PKNOX2: variants seen among roughly 807,000 people sequenced by gnomAD.
PKNOX2 encodes the protein homeobox protein PKNOX2.
A neutral mutation model predicts 53.1 loss-of-function variants in PKNOX2; 14 were observed. The observed-to-expected ratio is 0.26, with a 90% CI of 0.17 to 0.41. The LOEUF is 0.41. Ranked by LOEUF, PKNOX2 falls within the 10% of genes least tolerant of loss-of-function variation. PKNOX2 has a pLI of 1.00. For missense variants in PKNOX2, 496 were observed against 602.8 expected, an observed-to-expected ratio of 0.82 and a Z score of 1.85; for synonymous variants, 257 against 242.8, an observed-to-expected ratio of 1.06 and a Z score of -0.54.
intron 2 of PKNOX2, among the ~76,000 whole-genome samples, chr11:125,293,039 A>T (rs1392064402): frequency 6.6e-6 from 1 of 152,210 alleles, no homozygotes; most frequent in African/African-American, 2.4e-5. Flanking sequence ...ACAGCGTGGT[A>T]GAGTGTGCTG....
intron 2 of PKNOX2, among the ~76,000 whole-genome samples, chr11:125,253,564 G>C (rs138361729): frequency 4.9e-4 from 75 of 152,226 alleles, no homozygotes; most frequent in African/African-American, 1.7e-3. Flanking sequence ...CTTCCTCCCT[G>C]GTTCCCAGAC....
chr11:125,181,871 C>T (rs1449474343), intron 1 of PKNOX2, among the ~76,000 whole-genome samples: 1 of 152,148 alleles, frequency 6.6e-6, no homozygotes, highest in African/African-American at 2.4e-5. Flanking sequence ...TTTAAGGAAT[C>T]TGGCCCATTT....
At position 125,431,329 on chromosome 11, in the gene PKNOX2, C is replaced by G; in HGVS notation, c.1356C>G (p.Val452=). 1.2e-6 allele frequency: 2 copies of G among 1,613,538 alleles called. No homozygotes were observed. The highest frequency in any genetic ancestry group is 1.7e-6 in the Non-Finnish European group (2 of 1,179,902). The change falls in exon 13 of 13, where the codon GTC becomes GTG. Residue 452 remains valine, a synonymous_variant. Transcript: ENST00000298282. ...AGGAGGAGGAGCTGGAGGAGGAGGT[C>G]GACGAGCTGCAGACGACAAATGTCA... is the stretch of plus-strand genomic sequence containing the variant. ...EEEEEELEEE[V]DELQTTNVSD... is the part of the protein sequence containing the mutation.
At chr11:125,400,425 C>T (rs992431962) in intron 7 of PKNOX2, among the ~76,000 whole-genome samples, 6 of 152,204 alleles carry the variant, frequency 3.9e-5, no homozygotes, top group African/African-American at 1.4e-4. Context: ...ATCTTTCTAA[C>T]TTTGTTCATG....
At chr11:125,170,236 G>C (rs142446738) in intron 1 of PKNOX2, among the ~76,000 whole-genome samples, 2 of 152,322 alleles carry the variant, frequency 1.3e-5, no homozygotes, top group East Asian at 1.9e-4. Flanking sequence ...GACTCCTTCT[G>C]TTCCGGTGTC....
At chr11:125,204,742 C>T (rs1316977168) in intron 1 of PKNOX2, among the ~76,000 whole-genome samples, 2 of 152,198 alleles carry the variant, frequency 1.3e-5, no homozygotes, top group Non-Finnish European at 2.9e-5. Context: ...TTGTCCTTCT[C>T]CTCCCTCTGC....
At chr11:125,404,644 ACAC>A (rs1954965316) in intron 7 of PKNOX2, among the ~76,000 whole-genome samples, 1 of 151,864 alleles carries the variant, frequency 6.6e-6, no homozygotes, top group South Asian at 2.1e-4. Context: ...AAACACACAC[ACAC>A]CACCACACAC....
At chr11:125,326,672 G>A (rs974854725) in intron 2 of PKNOX2, among the ~76,000 whole-genome samples, 1 of 152,164 alleles carries the variant, frequency 6.6e-6, no homozygotes, top group Non-Finnish European at 1.5e-5. Context: ...CTTTCCCTGG[G>A]ATGACAGTTG....
chr11:125,293,273 C>A (rs1483912730), intron 2 of PKNOX2, among the ~76,000 whole-genome samples: 4 of 152,134 alleles, frequency 2.6e-5, no homozygotes, highest in Non-Finnish European at 5.9e-5. Flanking sequence ...CTTTTAATTA[C>A]TTAATCACAG....
intron 1 of PKNOX2, among the ~76,000 whole-genome samples, chr11:125,213,597 A>G (rs547191120): frequency 8.5e-5 from 13 of 152,166 alleles, no homozygotes; most frequent in African/African-American, 3.1e-4. Flanking sequence ...AGCTGGGACT[A>G]CAGGCACATG....
intron 1 of PKNOX2, among the ~76,000 whole-genome samples, chr11:125,194,121 G>A (rs891934732): frequency 6.6e-6 from 1 of 152,198 alleles, no homozygotes; most frequent in Admixed American, 6.5e-5. Flanking sequence ...ATGCCTTTGT[G>A]CGAGCCCTTC....
At chr11:125,188,803 G>A (rs1327790682) in intron 1 of PKNOX2, among the ~76,000 whole-genome samples, 2 of 152,148 alleles carry the variant, frequency 1.3e-5, no homozygotes, top group East Asian at 3.9e-4. Context: ...ATCCTATTCT[G>A]GACAGTGATA....
At chr11:125,338,940 C>T (rs1304398421) in intron 3 of PKNOX2, among the ~76,000 whole-genome samples, 4 of 152,156 alleles carry the variant, frequency 2.6e-5, no homozygotes, top group African/African-American at 9.7e-5. Context: ...GGTTGCGTTG[C>T]GCAAGTCAGA....
intron 1 of PKNOX2, among the ~76,000 whole-genome samples, chr11:125,188,792 G>T (rs1956607267): frequency 6.6e-6 from 1 of 152,020 alleles, no homozygotes. Flanking sequence ...AGGTGTGTAA[G>T]ATCCTATTCT....
intron 2 of PKNOX2, among the ~76,000 whole-genome samples, chr11:125,289,769 C>T (rs1488788496): frequency 6.6e-6 from 1 of 152,136 alleles, no homozygotes; most frequent in Non-Finnish European, 1.5e-5. Flanking sequence ...AGACTAGAGC[C>T]TTAAATCACT....
chr11:125,400,004 G>A (rs867283672), intron 7 of PKNOX2, among the ~76,000 whole-genome samples: 13 of 152,218 alleles, frequency 8.5e-5, no homozygotes, highest in Non-Finnish European at 1.2e-4. Flanking sequence ...GGAGAATCCC[G>A]GCACTCAGCC....
At chr11:125,267,312 T>C (rs938492851) in intron 2 of PKNOX2, among the ~76,000 whole-genome samples, 2 of 152,194 alleles carry the variant, frequency 1.3e-5, no homozygotes, top group African/African-American at 4.8e-5. Flanking sequence ...AGTGCTCGTA[T>C]CTGGAGTGAA....
chr11:125,230,179 G>C (rs1565474534), intron 1 of PKNOX2, among the ~76,000 whole-genome samples: 1 of 152,230 alleles, frequency 6.6e-6, no homozygotes. Flanking sequence ...TTAGCATCCA[G>C]GCCCAGTGGG....
intron 10 of PKNOX2, among the ~76,000 whole-genome samples, chr11:125,420,574 G>A (rs1434631479): frequency 6.6e-6 from 1 of 152,166 alleles, no homozygotes; most frequent in African/African-American, 2.4e-5. Context: ...GAAGATGAAG[G>A]TTAAAATACT....
Sources: gnomAD v4.1 joint callset for allele counts (sites outside exome capture counted in the v4.1 genomes callset) on GRCh38, gnomAD v4.1.1 for gene constraint, MANE v1.5 for transcripts, NCBI Gene and HGNC (gene_info 2026-07-23, HGNC 2026-07-21) for gene names.